The following NRG3 variants were observed in gnomAD, a reference collection of about 807,000 sequenced individuals.
NRG3 encodes the protein pro-neuregulin-3, membrane-bound isoform.
Under a neutral mutation model 66.9 loss-of-function variants are expected in NRG3, and 31 were observed. The observed-to-expected ratio is 0.46, with a 90% CI of 0.35 to 0.63. The LOEUF is 0.63. Ranked by LOEUF, NRG3 falls within the 20% of genes least tolerant of loss-of-function variation. The pLI is 0.00. For synonymous variants in NRG3, 393 were observed against 359.4 expected, an observed-to-expected ratio of 1.09 and a Z score of -1.06; for missense variants, 910 against 878.9, an observed-to-expected ratio of 1.04 and a Z score of -0.45.
intron 4 of NRG3, among the ~76,000 whole-genome samples, chr10:82,903,306 C>A (rs1246815613): frequency 6.6e-6 from 1 of 152,070 alleles, no homozygotes; most frequent in African/African-American, 2.4e-5. Context: ...TCCATGTAAG[C>A]ATTTTGCCTC....
At chr10:81,911,616 T>TTTG (rs1215298520) in intron 1 of NRG3, among the ~76,000 whole-genome samples, 1 of 146,658 alleles carries the variant, frequency 6.8e-6, no homozygotes, top group Non-Finnish European at 1.5e-5. Flanking sequence ...TTTTTTTTTT[T>TTTG]TTTTTTTTTT....
intron 1 of NRG3, among the ~76,000 whole-genome samples, chr10:81,996,024 G>C (rs933416002): frequency 6.6e-6 from 1 of 151,922 alleles, no homozygotes; most frequent in African/African-American, 2.4e-5. Context: ...TCTTTATAAT[G>C]CATAATGAAT....
chr10:82,229,720 C>T (rs2076356915), intron 1 of NRG3, among the ~76,000 whole-genome samples: 1 of 152,120 alleles, frequency 6.6e-6, no homozygotes, highest in Admixed American at 6.5e-5. Context: ...AGCACAAGCA[C>T]AACATGGGGG....
intron 1 of NRG3, among the ~76,000 whole-genome samples, chr10:81,925,560 A>G (rs1208920123): frequency 6.6e-6 from 1 of 152,204 alleles, no homozygotes. Flanking sequence ...GCAAATTGGA[A>G]TTAATTATCC....
At chr10:81,965,637 T>C (rs934797805) in intron 1 of NRG3, among the ~76,000 whole-genome samples, 1 of 152,184 alleles carries the variant, frequency 6.6e-6, no homozygotes, top group African/African-American at 2.4e-5. Context: ...CATTATTAGA[T>C]TTATCCTCAG....
chr10:82,759,673 C>T (rs182283017), intron 3 of NRG3, among the ~76,000 whole-genome samples: 144 of 152,212 alleles, frequency 9.5e-4, no homozygotes, highest in African/African-American at 3.3e-3. Context: ...ATATCCTTAG[C>T]CAAAGTGATG....
rs187356588 is a variant in NRG3, at chr10:81,887,478, G to A, written c.823+11315G>A. Among the ~76,000 whole-genome samples the A allele has an allele frequency of 4.6e-5, 7 of 152,218 alleles. No homozygotes were observed. In the East Asian group the frequency reaches 1.4e-3, roughly 29 times the overall value. ...GGATCAAATGAAAAGAGAACACAAAGGCTAATTGACAGTGCTGAGTACTAG... is the reference window on the plus strand; with the variant it reads ...GGATCAAATGAAAAGAGAACACAAAAGCTAATTGACAGTGCTGAGTACTAG... On this transcript the variant is annotated intron_variant, in intron 1 of 8. Transcript: ENST00000372141.
chr10:82,755,727 A>G (rs1030151873), intron 3 of NRG3, among the ~76,000 whole-genome samples: 2 of 152,154 alleles, frequency 1.3e-5, no homozygotes, highest in Non-Finnish European at 2.9e-5. Flanking sequence ...ATCCACATAC[A>G]AACAACAGGT....
At chr10:82,091,526 T>C (rs1331026154) in intron 1 of NRG3, among the ~76,000 whole-genome samples, 1 of 152,176 alleles carries the variant, frequency 6.6e-6, no homozygotes, top group Non-Finnish European at 1.5e-5. Context: ...TTGGATTCCA[T>C]TGCATGCATA....
At chr10:82,412,267 T>C (rs1343417017) in intron 2 of NRG3, among the ~76,000 whole-genome samples, 2 of 152,134 alleles carry the variant, frequency 1.3e-5, no homozygotes, top group Admixed American at 1.3e-4. Context: ...GGGAACGTTG[T>C]GGTTTCAGTT....
At chr10:82,759,435 A>G (rs2059216238) in intron 3 of NRG3, among the ~76,000 whole-genome samples, 1 of 152,200 alleles carries the variant, frequency 6.6e-6, no homozygotes, top group South Asian at 2.1e-4. Flanking sequence ...TAGATTGCCC[A>G]GACTCAAAAA....
At chr10:82,009,936 C>T (rs757746939) in intron 1 of NRG3, among the ~76,000 whole-genome samples, 1 of 152,148 alleles carries the variant, frequency 6.6e-6, no homozygotes, top group African/African-American at 2.4e-5. Flanking sequence ...CTGTGCTTTT[C>T]TTTGACATTT....
chr10:82,079,524 A>G (rs552539267), intron 1 of NRG3, among the ~76,000 whole-genome samples: 1 of 152,252 alleles, frequency 6.6e-6, no homozygotes, highest in South Asian at 2.1e-4. Context: ...TTCACTCTAG[A>G]TTTTGTATAT....
chr10:82,969,068 C>T (rs1851485710), intron 6 of NRG3, among the ~76,000 whole-genome samples: 2 of 152,090 alleles, frequency 1.3e-5, no homozygotes, highest in Non-Finnish European at 2.9e-5. Flanking sequence ...AGGTCCCTCC[C>T]ACAACACGTG....
intron 6 of NRG3, among the ~76,000 whole-genome samples, chr10:82,970,502 AGT>A (rs994879395): frequency 6.6e-6 from 1 of 152,136 alleles, no homozygotes; most frequent in African/African-American, 2.4e-5. Context: ...CTTTATAATG[AGT>A]GCAGTTGCAC....
chr10:82,281,607 A>G (rs768138140), intron 1 of NRG3, among the ~76,000 whole-genome samples: 14 of 152,170 alleles, frequency 9.2e-5, no homozygotes, highest in Non-Finnish European at 1.5e-4. Flanking sequence ...TGAGGAGGAC[A>G]GGGACACTCC....
chr10:82,491,265 C>G (rs1843068048), intron 2 of NRG3, among the ~76,000 whole-genome samples: 1 of 98,430 alleles, frequency 1.0e-5, no homozygotes, highest in African/African-American at 3.4e-5. Context: ...ATTTTGTCCT[C>G]CTGATTCTGC....
chr10:82,161,232 G>C (rs1360449429), intron 1 of NRG3, among the ~76,000 whole-genome samples: 2 of 152,150 alleles, frequency 1.3e-5, no homozygotes, highest in Non-Finnish European at 2.9e-5. Flanking sequence ...CACCGGCATA[G>C]AGAAAGTACA....
chr10:82,142,815 G>T (rs911850891), intron 1 of NRG3, among the ~76,000 whole-genome samples: 1 of 135,332 alleles, frequency 7.4e-6, no homozygotes, highest in Admixed American at 8.2e-5. Context: ...TCTATCTCCA[G>T]GCTGGAATGC....
Sources: gnomAD v4.1 joint callset for allele counts (sites outside exome capture counted in the v4.1 genomes callset) on GRCh38, gnomAD v4.1.1 for gene constraint, MANE v1.5 for transcripts, NCBI Gene and HGNC (gene_info 2026-07-23, HGNC 2026-07-21) for gene names.